The following FAM241A variants were observed in gnomAD, a reference collection of about 807,000 sequenced individuals.
FAM241A encodes the protein family with sequence similarity 241 member A, also known as uncharacterized protein FAM241A.
FAM241A carries 7 observed loss-of-function variants against 12.2 expected under a neutral mutation model. The ratio of observed to expected loss-of-function variants is 0.58; its 90% CI spans 0.33 to 1.08. The LOEUF is 1.08. Among genes scored for constraint, FAM241A ranks in the 50% least tolerant of loss-of-function variants. FAM241A has a pLI of 0.04. For synonymous variants in FAM241A, 74 were observed against 68.2 expected (o/e 1.08, Z -0.42); for missense variants, 161 against 169.7 (o/e 0.95, Z 0.29).
intron 1 of FAM241A, among the ~76,000 whole-genome samples, chr4:112,147,105 T>C (rs1723152832): frequency 6.6e-6 from 1 of 152,240 alleles, no homozygotes; most frequent in South Asian, 2.1e-4. Flanking sequence ...AAATACTTCA[T>C]TTAAGCTTCT....
intron 1 of FAM241A, among the ~76,000 whole-genome samples, chr4:112,169,718 G>C (rs935345671): frequency 6.6e-6 from 1 of 152,324 alleles, no homozygotes; most frequent in Middle Eastern, 3.4e-3. Context: ...AGGGCATGGG[G>C]AGAAAACGTA....
chr4:112,180,647 T>TA (rs913089999), intron 1 of FAM241A, among the ~76,000 whole-genome samples: 20 of 149,656 alleles, frequency 1.3e-4, no homozygotes, highest in South Asian at 4.2e-4. Flanking sequence ...TTTCTAAATT[T>TA]AAAAAAAAAA....
intron 1 of FAM241A, among the ~76,000 whole-genome samples, chr4:112,163,545 A>C (rs1224991544): frequency 6.6e-6 from 1 of 152,194 alleles, no homozygotes; most frequent in Admixed American, 6.5e-5. Flanking sequence ...ATACAGCCAA[A>C]AGACACATGA....
intron 1 of FAM241A, among the ~76,000 whole-genome samples, chr4:112,150,299 A>G (rs1723222214): frequency 6.6e-6 from 1 of 152,050 alleles, no homozygotes; most frequent in Admixed American, 6.5e-5. Context: ...GATTTTTTCC[A>G]TATCATATTT....
intron 1 of FAM241A, among the ~76,000 whole-genome samples, chr4:112,162,028 C>G (rs1158964467): frequency 1.3e-5 from 2 of 152,180 alleles, no homozygotes; most frequent in African/African-American, 4.8e-5. Context: ...TAAACCTAAT[C>G]CAGCATATAA....
In FAM241A at chr4:112,183,604, G is replaced by GAA. The variant is rs35758634; in HGVS notation, c.154-3081_154-3080dup. On this transcript the variant is annotated intron_variant, in intron 1 of 1. Transcript: ENST00000309733. ...TTCGTACTAAAACCACAAAAATACTGAAAAAAAAAGTCTTAAAAAGCTTCA... is the reference window on the plus strand; with the variant it reads ...TTCGTACTAAAACCACAAAAATACTGAAAAAAAAAAAGTCTTAAAAAGCTTCA... Among the ~76,000 whole-genome samples the GAA allele has an allele frequency of 1.1e-4, 17 of 149,168 alleles. No individual in the cohort carries two copies. In the East Asian group the frequency reaches 1.2e-3, roughly 10 times the overall value.
intron 1 of FAM241A, among the ~76,000 whole-genome samples, chr4:112,154,848 C>A (rs1235172886): frequency 6.6e-6 from 1 of 151,862 alleles, no homozygotes; most frequent in Non-Finnish European, 1.5e-5. Context: ...GCCTGGCCAA[C>A]ATGGCGAAAC....
At chr4:112,160,258 A>G (rs1723435148) in intron 1 of FAM241A, among the ~76,000 whole-genome samples, 1 of 152,002 alleles carries the variant, frequency 6.6e-6, no homozygotes, top group Non-Finnish European at 1.5e-5. Context: ...AAATACAAAA[A>G]TTAGCTGGGC....
Position 112,187,046 on chromosome 4 carries a change from T to C in FAM241A, c.*108T>C, listed in dbSNP as rs1724062839. The C allele has an allele frequency of 2.4e-6, 3 of 1,243,628 alleles. No homozygotes were observed. Among genetic ancestry groups the C allele is most frequent in the Non-Finnish European group, 3.4e-6 (3 of 888,896 alleles). 77.0% of individuals were successfully genotyped at this position (1,243,628 alleles called of 1,614,324 possible). A position where few individuals can be genotyped will look rare whatever the true frequency, so the allele number is the denominator to read the frequency against. Reference sequence around the variant, plus strand: ...AAAAAGTTTGCCTTGTTTCAAATCATGTGCTGGCTGTTTTGTAAGTAAATT... The same window carrying C: ...AAAAAGTTTGCCTTGTTTCAAATCACGTGCTGGCTGTTTTGTAAGTAAATT... On this transcript the variant is annotated 3_prime_UTR_variant, in exon 2 of 2. Transcript: ENST00000309733.
At chr4:112,166,646 G>A (rs1723600819) in intron 1 of FAM241A, among the ~76,000 whole-genome samples, 1 of 152,128 alleles carries the variant, frequency 6.6e-6, no homozygotes, top group Non-Finnish European at 1.5e-5. Flanking sequence ...GGCTGATTTG[G>A]GGGAAGTCCT....
chr4:112,171,353 T>C (rs1457627171), intron 1 of FAM241A: 1 of 756,218 alleles, frequency 1.3e-6, no homozygotes, highest in African/African-American at 1.7e-5. Context: ...AGAAGCAGAG[T>C]GACTATGGGG....
rs368295299 is a variant in FAM241A, at chr4:112,183,408, G to A, written c.154-3285G>A. Among the ~76,000 whole-genome samples, 3 of 152,058 alleles carry A rather than the reference G, an allele frequency of 2.0e-5. No individual in the cohort carries two copies. In the South Asian group the frequency reaches 6.2e-4, roughly 32 times the overall value. ...GATCTCAAGATCTGAGATAATGTGA[G>A]CATTGCTGTCTCCTCGCCTGGCCTG... On this transcript the variant is annotated intron_variant, in intron 1 of 1. Coordinates refer to ENST00000309733, the MANE Select transcript of FAM241A (RefSeq NM_152400.3).
At chr4:112,161,031 A>T (rs1031903119) in intron 1 of FAM241A, among the ~76,000 whole-genome samples, 3 of 152,230 alleles carry the variant, frequency 2.0e-5, no homozygotes, top group African/African-American at 7.2e-5. Flanking sequence ...AGACAAGTAC[A>T]GGCAACTAAA....
rs2110439404 is a variant in FAM241A at position 112,191,908 on chromosome 4, C to G, written c.*4970C>G. ...TGTCTGTCATTCTATAATTGCATTG[C>G]TAGTGCCTAACACAATGCCTGGGAC... is the stretch of plus-strand genomic sequence containing the variant. On this transcript the variant is annotated 3_prime_UTR_variant, in exon 2 of 2. Coordinates refer to ENST00000309733, the MANE Select transcript of FAM241A (RefSeq NM_152400.3). 6.6e-6 allele frequency: 1 copy of G among 152,282 alleles called. No homozygotes were observed. Among genetic ancestry groups the G allele is most frequent in the South Asian group, 2.1e-4 (1 of 4,830 alleles). The allele number at this position is 152,282 out of a possible 1,614,324, so 9.4% of individuals were successfully genotyped here.
intron 1 of FAM241A, among the ~76,000 whole-genome samples, chr4:112,162,778 A>G (rs955364623): frequency 6.6e-6 from 1 of 152,208 alleles, no homozygotes; most frequent in Non-Finnish European, 1.5e-5. Context: ...CAAGCTACCA[A>G]TGACTTTCTT....
chr4:112,178,881 C>T (rs1723873373), intron 1 of FAM241A, among the ~76,000 whole-genome samples: 1 of 152,134 alleles, frequency 6.6e-6, no homozygotes, highest in Non-Finnish European at 1.5e-5. Context: ...AAAAAATGCT[C>T]ATCATCACTC....
intron 1 of FAM241A, among the ~76,000 whole-genome samples, chr4:112,181,309 C>G (rs2110434265): frequency 6.6e-6 from 1 of 150,988 alleles, no homozygotes; most frequent in African/African-American, 2.4e-5. Flanking sequence ...GAAAATAGTG[C>G]CCATCTTTGG....
chr4:112,186,684 T>C lies in FAM241A; in HGVS notation c.154-9T>C, dbSNP rs1418929420. 2 of 1,580,564 alleles carry C rather than the reference T, an allele frequency of 1.3e-6. No individual in the cohort carries two copies. Among genetic ancestry groups the C allele is most frequent in the African/African-American group, 1.4e-5 (1 of 72,496 alleles). On this transcript the variant is annotated splice_polypyrimidine_tract_variant and intron_variant, in intron 1 of 1. Coordinates refer to ENST00000309733, the MANE Select transcript of FAM241A (RefSeq NM_152400.3). ...TGTTCATGTTTTGTCTTTTTTTTTT[T>C]TTTTAAAGGATGTTGAAGACTCACA...
chr4:112,145,764 G>A, intron 1 of FAM241A, 31 bp downstream of exon 1: 1 of 1,156,158 alleles, frequency 8.6e-7, no homozygotes, highest in Non-Finnish European at 1.1e-6. Flanking sequence ...CGGCGAAGCG[G>A]CCGGGTCGGG....
Sources: allele counts gnomAD v4.1 joint callset (sites outside exome capture counted in the v4.1 genomes callset), GRCh38; gene constraint gnomAD v4.1.1; transcripts MANE v1.5; gene names NCBI Gene and HGNC (gene_info 2026-07-23, HGNC 2026-07-21).